Variants in MDN1 observed in about 807,000 individuals in gnomAD.
The protein encoded by MDN1 is midasin AAA ATPase 1.
In MDN1, 266 loss-of-function variants were observed where a neutral mutation model predicts 669.2. The ratio of observed to expected loss-of-function variants is 0.40; its 90% CI spans 0.36 to 0.44. MDN1 has a LOEUF of 0.44. MDN1 is among the 20% of genes least tolerant of loss of function. The probability of loss-of-function intolerance (pLI) is 1.00; values close to 1 mark genes in which losing one functional copy is unlikely to be tolerated. For missense variants in MDN1, 5,940 were observed against 6,754.0 expected, an observed-to-expected ratio of 0.88 and a Z score of 4.22; for synonymous variants, 2,385 against 2,457.1, an observed-to-expected ratio of 0.97 and a Z score of 0.87.
intron 88 of MDN1, among the ~76,000 whole-genome samples, chr6:89,659,697 G>A (rs1047099827): frequency 3.4e-4 from 52 of 152,222 alleles, no homozygotes; most frequent in Admixed American, 2.0e-4. Flanking sequence ...TTAGGCCAAT[G>A]GAAATGGCAG....
At chr6:89,728,175 T>C (rs953567358) in intron 36 of MDN1, among the ~76,000 whole-genome samples, 1 of 152,084 alleles carries the variant, frequency 6.6e-6, no homozygotes, top group African/African-American at 2.4e-5. Context: ...CAATTTGAGC[T>C]GGTGCTCTAG....
At chr6:89,659,049 C>G in intron 88 of MDN1, 132 bp from the exon 89 acceptor site, 1 of 850,096 alleles carries the variant, frequency 1.2e-6, no homozygotes, top group East Asian at 2.6e-5. Context: ...TTGTGACCCA[C>G]AGGCCAAATC....
At chr6:89,673,857 G>C (rs1005524992) in intron 79 of MDN1, among the ~76,000 whole-genome samples, 8 of 152,188 alleles carry the variant, frequency 5.3e-5, no homozygotes, top group Admixed American at 3.3e-4. Flanking sequence ...TGCTCTCCCT[G>C]TGGATTATTT....
intron 15 of MDN1, among the ~76,000 whole-genome samples, chr6:89,768,348 T>C (rs1817907300): frequency 6.6e-6 from 1 of 152,164 alleles, no homozygotes; most frequent in Admixed American, 6.5e-5. Flanking sequence ...GATGGTTTTA[T>C]AAAGGGGAGT....
At chr6:89,783,853 T>C (rs949249545) in intron 9 of MDN1, among the ~76,000 whole-genome samples, 1 of 151,922 alleles carries the variant, frequency 6.6e-6, no homozygotes, top group Non-Finnish European at 1.5e-5. Flanking sequence ...GTTACCCCAA[T>C]AGTGGCATGC....
In MDN1 at chr6:89,712,196, G is replaced by A. The variant is rs1813988818; in HGVS notation, c.7491C>T (p.Asn2497=). 3 of 1,614,122 alleles carry A rather than the reference G, an allele frequency of 1.9e-6. No individual in the cohort carries two copies. The East Asian group carries it at 6.7e-5, about 36-fold the overall frequency. The change falls in exon 49 of 102, where the codon AAC becomes AAT. Residue 2497 remains asparagine, a synonymous_variant. Transcript: ENST00000369393. ...TCACTTCGACTGCATTGAATTTCAG[G>A]TTCTCAGGGCTGGGGGACTGCATAA... The part of the protein sequence containing the change: ...EKIMQSPSPE[N]LKFNAVEVNT...
chr6:89,764,606 A>C (rs1817708947), intron 15 of MDN1, among the ~76,000 whole-genome samples: 1 of 152,186 alleles, frequency 6.6e-6, no homozygotes, highest in East Asian at 1.9e-4. Context: ...AGTTTTGGTA[A>C]TTTGAGTATC....
chr6:89,650,303 AC>A, intron 96 of MDN1, 105 bp from the exon 97 acceptor site: 1 of 1,023,092 alleles, frequency 9.8e-7, no homozygotes, highest in South Asian at 1.7e-5. Flanking sequence ...ATAGCAAGTA[AC>A]TAGGAACCTG....
chr6:89,656,588 A>G (rs2273242), intron 91 of MDN1, 112 bp downstream of exon 91: 4 of 883,178 alleles, frequency 4.5e-6, no homozygotes, highest in Non-Finnish European at 7.0e-6. Context: ...ATGCAACAAC[A>G]ACAAAAAAAC....
At chr6:89,776,342 T>C (rs1389986650) in intron 12 of MDN1, among the ~76,000 whole-genome samples, 2 of 152,222 alleles carry the variant, frequency 1.3e-5, no homozygotes, top group African/African-American at 2.4e-5. Context: ...ATGCCTGTAA[T>C]CCCAGCTACT....
In MDN1 at chr6:89,713,162, G is replaced by A. The variant is rs1408665884; in HGVS notation, c.7204C>T (p.Pro2402Ser). The part of the protein sequence containing the change: ...WEVYVCSQHS[P>S]ANRKLVQALL... Reference sequence around the variant, plus strand: ...CTTCATAGTACCTTCCGGTTTGCTGGTGAATGCTGGGAACAGACATATACT... The same window carrying A: ...CTTCATAGTACCTTCCGGTTTGCTGATGAATGCTGGGAACAGACATATACT... The change falls in exon 47 of 102, where the codon CCA (proline) becomes TCA (serine). Residue 2402 changes from proline (P) to serine (S), a missense_variant. By Grantham distance (74) the Pro-to-Ser change is moderately conservative. Coordinates refer to ENST00000369393, the MANE Select transcript of MDN1 (RefSeq NM_014611.3). The A allele has an allele frequency of 1.2e-6, 2 of 1,612,694 alleles. No individual in the cohort carries two copies. The highest frequency in any genetic ancestry group is 1.7e-6 in the Non-Finnish European group (2 of 1,179,658).
At chr6:89,690,282 A>G in intron 64 of MDN1, 139 bp from the exon 65 acceptor site, 2 of 975,828 alleles carry the variant, frequency 2.0e-6, no homozygotes, top group Non-Finnish European at 2.9e-6. Context: ...TATATTTTAA[A>G]AGACTACAGG....
In MDN1 at chr6:89,754,249, T is replaced by C; in HGVS notation, c.2817-19A>G. ...GTAGAAGCTACAAATAGAATAAAGG[T>C]CAGGCAATTTTATTTACTAATAAGT... On this transcript the variant is annotated intron_variant, in intron 20 of 101. Transcript: ENST00000369393. 1 of 1,605,214 alleles carries C rather than the reference T, an allele frequency of 6.2e-7. No individual in the cohort carries two copies. Among genetic ancestry groups the C allele is most frequent in the East Asian group, 2.2e-5 (1 of 44,592 alleles).
At chr6:89,745,153 G>GGAAAGAGGAAAA in intron 29 of MDN1, 120 bp downstream of exon 29, 1 of 283,996 alleles carries the variant, frequency 3.5e-6, no homozygotes, top group Non-Finnish European at 4.8e-6. Flanking sequence ...AAAAAAAAAA[G>GGAAAGAGGAAAA]AAAAAAGAGG....
Position 89,712,596 on chromosome 6 carries a change from A to C in MDN1, c.7409T>G (p.Met2470Arg). 1 of 1,614,140 alleles carries C rather than the reference A, an allele frequency of 6.2e-7. No homozygotes were observed. The highest frequency in any genetic ancestry group is 8.5e-7 in the Non-Finnish European group (1 of 1,180,002). The change falls in exon 48 of 102, where the codon ATG (methionine) becomes AGG (arginine). Residue 2470 changes from methionine to arginine, a missense_variant. Met to Arg is a moderately conservative substitution (Grantham distance 91, BLOSUM62 -1). Around this residue, in one of 5 missense-constraint regions of MDN1, gnomAD observed 2,292 missense variants for 2,638.3 expected, o/e 0.87. Coordinates refer to ENST00000369393, the MANE Select transcript of MDN1 (RefSeq NM_014611.3). ...TGACCTTGTCCAGCTGCTGGTTTTC[A>C]TGCTCATCCTGTTGAGACAATATAC... ...ILVYCLNRMS[M>R]KTSSWTRSQP...
chr6:89,695,495 T>A lies in MDN1; in HGVS notation c.9771+110A>T. On this transcript the variant is annotated intron_variant, in intron 61 of 101. Coordinates refer to ENST00000369393, the MANE Select transcript of MDN1 (RefSeq NM_014611.3). This position sits in a 1 kb window ranked among gnomAD's most constrained non-coding sequence, Gnocchi z 4.1. ...AAGTCATAAGGCAACTTATGCAATA[T>A]CATGCTTGTGATGATCTGAGCACCC... The A allele has an allele frequency of 7.3e-7, 1 of 1,375,276 alleles. No homozygotes were observed. Among genetic ancestry groups the A allele is most frequent in the East Asian group, 2.3e-5 (1 of 42,924 alleles). 85.2% of individuals were successfully genotyped at this position (1,375,276 alleles called of 1,614,324 possible).
intron 1 of MDN1, among the ~76,000 whole-genome samples, chr6:89,808,663 CTG>C (rs1224856076): frequency 6.6e-6 from 1 of 152,142 alleles, no homozygotes; most frequent in Non-Finnish European, 1.5e-5. Flanking sequence ...CGCCCCAACT[CTG>C]AGCTCTGTCT....
chr6:89,644,978 T>C, intron 101 of MDN1, 37 bp downstream of exon 101: 1 of 1,564,618 alleles, frequency 6.4e-7, no homozygotes, highest in African/African-American at 1.3e-5. Context: ...AATCCCCACT[T>C]TACCTCCAGA....
chr6:89,655,321 C>T (rs1809175248), intron 92 of MDN1, among the ~76,000 whole-genome samples: 1 of 152,146 alleles, frequency 6.6e-6, no homozygotes, highest in South Asian at 2.1e-4. Context: ...ACACATATTT[C>T]AAATTCATAG....
Sources: gnomAD v4.1 joint callset for allele counts (sites outside exome capture counted in the v4.1 genomes callset) on GRCh38, gnomAD v4.1.1 for gene constraint, gnomAD v4.1.1 regional missense constraint, Gnocchi (gnomAD v3.1) non-coding constraint, MANE v1.5 for transcripts, NCBI Gene and HGNC (gene_info 2026-07-23, HGNC 2026-07-21) for gene names.